The following DNAH5 variants were observed in gnomAD, a reference collection of about 807,000 sequenced individuals.
DNAH5 encodes the protein axonemal beta dynein heavy chain 5.
In DNAH5, 372 loss-of-function variants were observed where a neutral mutation model predicts 518.2. The ratio of observed to expected loss-of-function variants is 0.72; its 90% CI spans 0.66 to 0.78. The LOEUF (loss-of-function observed/expected upper bound fraction) is 0.78, where lower values mean the gene tolerates loss of function less well. Ranked by LOEUF, DNAH5 falls within the 30% of genes least tolerant of loss-of-function variation. The pLI, the probability that DNAH5 is intolerant of heterozygous loss-of-function variation, is 0.00. For synonymous variants in DNAH5, 2,039 were observed against 2,025.9 expected (o/e 1.01, Z -0.17); for missense variants, 5,523 against 5,687.0 (o/e 0.97, Z 0.93).
chr5:13,745,343 T>C (rs1046765039), intron 65 of DNAH5, among the ~76,000 whole-genome samples: 32 of 152,058 alleles, frequency 2.1e-4, no homozygotes, highest in Non-Finnish European at 5.9e-5. Context: ...AGATAAACAA[T>C]TGGATATAGG....
intron 1 of DNAH5, among the ~76,000 whole-genome samples, chr5:14,000,690 A>G (rs1442938107): frequency 6.6e-6 from 1 of 152,004 alleles, no homozygotes; most frequent in Non-Finnish European, 1.5e-5. Flanking sequence ...TGCTTATTAG[A>G]ATGGGAATGT....
At chr5:13,885,770 CA>C (rs1427744557) in intron 18 of DNAH5, among the ~76,000 whole-genome samples, 193 bp downstream of exon 18, 3 of 152,044 alleles carry the variant, frequency 2.0e-5, no homozygotes, top group Non-Finnish European at 2.9e-5. Context: ...AAAGTTTAAC[CA>C]AAAATAGTAG....
intron 1 of DNAH5, among the ~76,000 whole-genome samples, chr5:13,936,759 A>G (rs1317261646): frequency 6.6e-6 from 1 of 152,146 alleles, no homozygotes; most frequent in Non-Finnish European, 1.5e-5. Context: ...TAATTGTACA[A>G]ATGTTTAAGC....
chr5:13,724,457 TCA>T (rs1198169218), intron 70 of DNAH5, among the ~76,000 whole-genome samples: 1 of 152,190 alleles, frequency 6.6e-6, no homozygotes, highest in Non-Finnish European at 1.5e-5. Flanking sequence ...GAGATGAGTC[TCA>T]GAGAGACTTA....
At chr5:13,708,853 A>T (rs554775198) in intron 75 of DNAH5, among the ~76,000 whole-genome samples, 2 of 152,324 alleles carry the variant, frequency 1.3e-5, no homozygotes, top group Admixed American at 6.5e-5. Flanking sequence ...TATGTATCAG[A>T]TATTGTGTTA....
intron 33 of DNAH5, 55 bp from the exon 34 acceptor site, chr5:13,841,185 A>G (rs1177980503): frequency 7.3e-7 from 1 of 1,364,750 alleles, no homozygotes; most frequent in Non-Finnish European, 1.0e-6. Flanking sequence ...ATGTATTTAA[A>G]TAGAAATACA....
At chr5:13,893,917 A>G (rs913541479) in intron 16 of DNAH5, among the ~76,000 whole-genome samples, 1 of 57,752 alleles carries the variant, frequency 1.7e-5, no homozygotes, top group South Asian at 7.8e-4. Flanking sequence ...TCTTTCTGAG[A>G]AAAAAAAAAA....
intron 52 of DNAH5, among the ~76,000 whole-genome samples, chr5:13,782,595 T>C (rs553717550): frequency 6.6e-6 from 1 of 152,274 alleles, no homozygotes; most frequent in South Asian, 2.1e-4. Context: ...CACTAGAACA[T>C]TCTGTGTCTT....
intron 78 of DNAH5, among the ~76,000 whole-genome samples, chr5:13,699,148 A>G (rs1467204708): frequency 1.3e-5 from 2 of 152,206 alleles, no homozygotes; most frequent in African/African-American, 4.8e-5. Flanking sequence ...TGCCACGAAA[A>G]GTCTAACTCC....
chr5:13,922,193 C>A lies in DNAH5; in HGVS notation c.574G>T (p.Ala192Ser). Residue 192 changes from alanine (A) to serine (S), a missense_variant, in exon 5 of 79, where the codon GCA becomes TCA. Coordinates refer to ENST00000265104, the MANE Select transcript of DNAH5 (RefSeq NM_001369.3). The part of the protein sequence containing the change: ...GWGELEGLQD[A>S]ANIRQEFLSS... ...AAGAACTCCTGGCGAATGTTAGCTG[C>A]GTCCTGAAGGCCCTCGAGCTCGCCC... 2.5e-6 allele frequency: 4 copies of A among 1,614,076 alleles called. No homozygotes were observed. The highest frequency in any genetic ancestry group is 1.1e-5 in the South Asian group (1 of 91,070).
chr5:13,735,851 T>C lies in DNAH5; in HGVS notation c.11537A>G (p.Gln3846Arg). The C allele has an allele frequency of 2.5e-6, 4 of 1,614,164 alleles. No individual in the cohort carries two copies. Among genetic ancestry groups the C allele is most frequent in the Non-Finnish European group, 2.5e-6 (3 of 1,179,992 alleles). Residue 3846 changes from glutamine to arginine, a missense_variant, in exon 67 of 79, where the codon CAG (glutamine) becomes CGG (arginine). By Grantham distance (43) the Gln-to-Arg change is conservative. This residue lies in a region of DNAH5 where 5,121 missense variants were observed against 5,223.3 expected (regional missense o/e 0.98). Transcript: ENST00000265104. ...VNEMYQTSLR[Q>R]FLGLFDLSLA... ...GGAAAGGTCAAATAAGCCCAGAAAC[T>C]GGCGAAGCGAAGTCTGATACATCTC... is the stretch of plus-strand genomic sequence containing the variant.
chr5:13,748,669 G>C (rs958782751), intron 65 of DNAH5, among the ~76,000 whole-genome samples: 3 of 152,182 alleles, frequency 2.0e-5, no homozygotes, highest in African/African-American at 7.2e-5. Flanking sequence ...CTCATGATTT[G>C]GCTCTCTGTT....
At chr5:13,774,397 C>T (rs1753781315) in intron 55 of DNAH5, among the ~76,000 whole-genome samples, 1 of 152,058 alleles carries the variant, frequency 6.6e-6, no homozygotes, top group African/African-American at 2.4e-5. Flanking sequence ...GTTTAAGAAA[C>T]TTGTGAAGCA....
intron 49 of DNAH5, among the ~76,000 whole-genome samples, chr5:13,792,930 G>A (rs1757221399): frequency 6.6e-6 from 1 of 152,184 alleles, no homozygotes; most frequent in South Asian, 2.1e-4. Flanking sequence ...GCACAAATAA[G>A]TCACAAGTGC....
chr5:13,830,277 A>G (rs1934969648), intron 36 of DNAH5, 64 bp from the exon 37 acceptor site: 1 of 1,439,782 alleles, frequency 6.9e-7, no homozygotes, highest in African/African-American at 1.4e-5. Context: ...AAGAAAAAGG[A>G]TATTATGTAG....
At chr5:13,934,596 G>T (rs1214967199) in intron 1 of DNAH5, among the ~76,000 whole-genome samples, 2 of 152,178 alleles carry the variant, frequency 1.3e-5, no homozygotes, top group South Asian at 2.1e-4. Context: ...GGGTATGGTA[G>T]TAATAGAGAG....
At chr5:13,706,010 C>A (rs1351912084) in intron 76 of DNAH5, among the ~76,000 whole-genome samples, 2 of 152,186 alleles carry the variant, frequency 1.3e-5, no homozygotes, top group African/African-American at 4.8e-5. Context: ...AGAAAACAAA[C>A]TTCTGTTGCT....
At chr5:13,806,821 A>T (rs1277395210) in intron 47 of DNAH5, among the ~76,000 whole-genome samples, 1 of 152,202 alleles carries the variant, frequency 6.6e-6, no homozygotes, top group East Asian at 1.9e-4. Flanking sequence ...TAAACAACGC[A>T]AACTTGAGGG....
intron 61 of DNAH5, among the ~76,000 whole-genome samples, chr5:13,755,723 G>C (rs1338996635): frequency 1.3e-5 from 2 of 152,120 alleles, no homozygotes; most frequent in African/African-American, 4.8e-5. Context: ...TTTCCCTCAA[G>C]AGGGAAGGTG....
Sources: allele counts gnomAD v4.1 joint callset (sites outside exome capture counted in the v4.1 genomes callset), GRCh38; gene constraint gnomAD v4.1.1; regional missense constraint gnomAD v4.1.1; transcripts MANE v1.5; gene names NCBI Gene and HGNC (gene_info 2026-07-23, HGNC 2026-07-21).